The following PCDHA11 variants were observed in gnomAD, a reference collection of about 807,000 sequenced individuals.
The protein encoded by PCDHA11 is protocadherin alpha 11, also known as protocadherin alpha-11.
Under a neutral mutation model 70.3 loss-of-function variants are expected in PCDHA11, and 61 were observed. The observed-to-expected ratio is 0.87, with a 90% CI of 0.71 to 1.07. The LOEUF (loss-of-function observed/expected upper bound fraction) is 1.07, where lower values mean the gene tolerates loss of function less well. Ranked by LOEUF, PCDHA11 falls within the 50% of genes least tolerant of loss-of-function variation. PCDHA11 has a pLI of 0.00. For synonymous variants in PCDHA11, 633 were observed against 555.1 expected (o/e 1.14, Z -1.97); for missense variants, 1,324 against 1,237.5 (o/e 1.07, Z -1.05).
chr5:140,957,879 G>T (rs2095393633), intron 1 of PCDHA11, among the ~76,000 whole-genome samples: 1 of 151,960 alleles, frequency 6.6e-6, no homozygotes, highest in Non-Finnish European at 1.5e-5. Flanking sequence ...GTGCTGAAAA[G>T]CTGAAGTTGG....
intron 3 of PCDHA11, among the ~76,000 whole-genome samples, chr5:141,003,283 G>A (rs1331116001): frequency 3.3e-5 from 5 of 152,188 alleles, no homozygotes; most frequent in African/African-American, 1.2e-4. Flanking sequence ...GCCCAAATTG[G>A]ATTATAGGAT....
chr5:140,891,123 T>G (rs2153433075), intron 1 of PCDHA11, among the ~76,000 whole-genome samples: 1 of 152,342 alleles, frequency 6.6e-6, no homozygotes, highest in East Asian at 1.9e-4. Context: ...AATCTAAATG[T>G]CATTCCTTTA....
At chr5:140,928,309 G>C in intron 1 of PCDHA11, 1 of 1,614,124 alleles carries the variant, frequency 6.2e-7, no homozygotes, top group Non-Finnish European at 8.5e-7. Flanking sequence ...CCAGGACCCC[G>C]ACCTGGGGAA....
intron 1 of PCDHA11, chr5:140,877,100 C>A (rs782669477): frequency 2.5e-6 from 4 of 1,613,344 alleles, no homozygotes; most frequent in African/African-American, 1.3e-5. Context: ...GCCGGCGTGC[C>A]GCCTCTGGGC....
chr5:140,907,344 C>T (rs548533041), intron 1 of PCDHA11, among the ~76,000 whole-genome samples: 111 of 152,276 alleles, frequency 7.3e-4, no homozygotes, highest in Non-Finnish European at 1.2e-3. Flanking sequence ...TGCATGAGCC[C>T]GCTGCTGCAC....
chr5:140,871,092 C>T lies in PCDHA11; in HGVS notation c.1989C>T (p.Thr663=), dbSNP rs575877743. 10 of 1,613,260 alleles carry T rather than the reference C, an allele frequency of 6.2e-6. No homozygotes were observed. The Admixed American group carries it at 8.3e-5, about 13-fold the overall frequency. ...HGEPALTATA[T]VLVSLVESGQ... is the part of the protein sequence containing the mutation. ...AGCCGGCGCTGACGGCCACGGCCAC[C>T]GTGCTGGTGTCGTTGGTGGAGAGCG... is the stretch of plus-strand genomic sequence containing the variant. The change falls in exon 1 of 4, where the codon ACC becomes ACT. Residue 663 remains threonine (T), a synonymous_variant. Transcript: ENST00000398640.
intron 1 of PCDHA11, chr5:140,927,172 G>T: frequency 1.2e-6 from 2 of 1,614,152 alleles, no homozygotes; most frequent in Non-Finnish European, 1.7e-6. Flanking sequence ...AGCTGCCTGC[G>T]TCTTGACCTA....
intron 1 of PCDHA11, among the ~76,000 whole-genome samples, chr5:140,898,053 A>C (rs1444652933): frequency 1.3e-5 from 2 of 151,746 alleles, no homozygotes; most frequent in Admixed American, 1.3e-4. Context: ...TTTTTCTTGT[A>C]AATTTGTTTG....
intron 1 of PCDHA11, among the ~76,000 whole-genome samples, chr5:140,889,433 G>A (rs994872798): frequency 8.6e-5 from 13 of 151,828 alleles, no homozygotes; most frequent in Non-Finnish European, 1.9e-4. Context: ...TATTTTTTCA[G>A]GTATTTTCCT....
chr5:140,937,544 G>A (rs1584916814), intron 1 of PCDHA11, among the ~76,000 whole-genome samples: 1 of 151,510 alleles, frequency 6.6e-6, no homozygotes, highest in South Asian at 2.1e-4. Flanking sequence ...TTGAACCTGC[G>A]AGGCAGAGGT....
At position 140,993,463 on chromosome 5, in the gene PCDHA11, CA is replaced by C. The variant is rs1563591979; in HGVS notation, c.2539+10901del. ...ATTCCTGTTCTCCTTCTTTCTTTCTCACACACACACACACACACACACACAC... is the reference window on the plus strand; with the variant it reads ...ATTCCTGTTCTCCTTCTTTCTTTCTCCACACACACACACACACACACACAC... On this transcript the variant is annotated intron_variant, in intron 3 of 3. Coordinates refer to ENST00000398640, the MANE Select transcript of PCDHA11 (RefSeq NM_018902.5). Among the ~76,000 whole-genome samples the C allele has an allele frequency of 9.6e-3, 73 of 7,582 alleles. 1 individual carries two copies. The highest frequency in any genetic ancestry group is 0.047 in the African/African-American group (71 of 1,514). 5.0% of individuals were successfully genotyped at this position (7,582 alleles called of 152,430 possible).
rs1554262618 is a variant in PCDHA11, at chr5:141,009,958, C to T, written c.*21C>T. On this transcript the variant is annotated 3_prime_UTR_variant, in exon 4 of 4. Transcript: ENST00000398640. The stretch of plus-strand genomic sequence containing the variant: ...AGTGAGGTCCTCAAATGGAAACAAG[C>T]CACTTAGCCAGTTTTTGTAATAATG... 1.3e-6 allele frequency: 2 copies of T among 1,589,012 alleles called. No homozygotes were observed. The highest frequency in any genetic ancestry group is 1.7e-6 in the Non-Finnish European group (2 of 1,171,000).
chr5:140,988,445 A>G (rs1554250148), intron 3 of PCDHA11, among the ~76,000 whole-genome samples: 2 of 152,168 alleles, frequency 1.3e-5, no homozygotes, highest in African/African-American at 2.4e-5. Context: ...ATTGACCTGA[A>G]GGGAGGAAGC....
rs1582078645 is a variant in PCDHA11, at chr5:140,872,401, A to G, written c.2391+907A>G. Among the ~76,000 whole-genome samples the G allele has an allele frequency of 2.0e-5, 3 of 152,246 alleles. No homozygotes were observed. In the East Asian group the frequency reaches 5.8e-4, roughly 29 times the overall value. ...CAGCTATTTGGGAGGCTGAGGCAGG[A>G]GAATTGCTTGAGCCCAAGAGTTCGA... On this transcript the variant is annotated intron_variant, in intron 1 of 3. Transcript: ENST00000398640.
At chr5:140,956,003 C>T (rs2153708657) in intron 1 of PCDHA11, among the ~76,000 whole-genome samples, 1 of 152,232 alleles carries the variant, frequency 6.6e-6, no homozygotes, top group East Asian at 1.9e-4. Flanking sequence ...ATTTTGTATC[C>T]TGAGACTTTG....
At chr5:140,907,239 C>T (rs1447900433) in intron 1 of PCDHA11, among the ~76,000 whole-genome samples, 1 of 152,200 alleles carries the variant, frequency 6.6e-6, no homozygotes, top group Non-Finnish European at 1.5e-5. Context: ...ACCTAGTTGA[C>T]ATTGTAATTG....
chr5:140,940,643 T>A (rs2092660320), intron 1 of PCDHA11, among the ~76,000 whole-genome samples: 1 of 152,226 alleles, frequency 6.6e-6, no homozygotes, highest in Non-Finnish European at 1.5e-5. Flanking sequence ...TGTCATTTAT[T>A]TATTTAAATA....
intron 1 of PCDHA11, chr5:140,969,338 C>G: frequency 1.1e-5 from 18 of 1,613,914 alleles, no homozygotes; most frequent in Non-Finnish European, 1.4e-5. Context: ...TGAGGTGAGA[C>G]AGTGGTCAGG....
chr5:140,922,950 T>G (rs928008081), intron 1 of PCDHA11, among the ~76,000 whole-genome samples: 6 of 152,208 alleles, frequency 3.9e-5, no homozygotes, highest in Non-Finnish European at 5.9e-5. Flanking sequence ...GGAAATCCAG[T>G]TTGTCTTCAG....
Sources: allele counts gnomAD v4.1 joint callset (sites outside exome capture counted in the v4.1 genomes callset), GRCh38; gene constraint gnomAD v4.1.1; transcripts MANE v1.5; gene names NCBI Gene and HGNC (gene_info 2026-07-23, HGNC 2026-07-21).